The following TBC1D12 variants were observed in gnomAD, a reference collection of about 807,000 sequenced individuals.
TBC1D12 encodes the protein TBC1 domain family member 12.
TBC1D12 carries 56 observed loss-of-function variants against 86.7 expected under a neutral mutation model. That is an observed-to-expected ratio of 0.65 (90% CI 0.52 to 0.81). TBC1D12 has a LOEUF of 0.81. TBC1D12 is among the 30% of genes least tolerant of loss of function. TBC1D12 has a pLI of 0.00. For synonymous variants in TBC1D12, 421 were observed against 411.7 expected (o/e 1.02, Z -0.27); for missense variants, 1,023 against 1,038.8 (o/e 0.98, Z 0.21).
chr10:94,525,361 T>C (rs1253790048), intron 11 of TBC1D12, among the ~76,000 whole-genome samples: 3 of 152,052 alleles, frequency 2.0e-5, no homozygotes, highest in Non-Finnish European at 4.4e-5. Context: ...CCTGTAATCC[T>C]AGCACTTTGG....
intron 7 of TBC1D12, 30 bp from the exon 8 acceptor site, chr10:94,510,061 A>C (rs367903170): frequency 8.9e-5 from 139 of 1,553,242 alleles, no homozygotes; most frequent in Non-Finnish European, 2.6e-5. Context: ...CCAAGTGATC[A>C]TTTAAATTGT....
At chr10:94,524,913 A>G (rs115813817) in intron 11 of TBC1D12, among the ~76,000 whole-genome samples, 73 of 151,932 alleles carry the variant, frequency 4.8e-4, no homozygotes, top group African/African-American at 1.7e-3. Context: ...CCCACCTGGA[A>G]CTCCTGGGCT....
chr10:94,474,386 G>T (rs766301981), intron 2 of TBC1D12, among the ~76,000 whole-genome samples: 2 of 151,692 alleles, frequency 1.3e-5, no homozygotes, highest in Non-Finnish European at 2.9e-5. Flanking sequence ...TAGAGGTGAG[G>T]TGTTGACCCT....
intron 9 of TBC1D12, among the ~76,000 whole-genome samples, chr10:94,512,950 AAAAATGTCCCCAGG>A (rs1014183230): frequency 2.2e-4 from 34 of 152,272 alleles, no homozygotes; most frequent in Middle Eastern, 3.4e-3. Context: ...ATAGTTTTCT[AAAAATGTCCCCAGG>A]CATGCCGGGC....
At chr10:94,427,666 C>A (rs2055164700) in intron 1 of TBC1D12, among the ~76,000 whole-genome samples, 3 of 151,464 alleles carry the variant, frequency 2.0e-5, no homozygotes, top group Admixed American at 1.3e-4. Flanking sequence ...ACCCTGTCTC[C>A]AATAAAAATA....
chr10:94,496,556 G>GT (rs1182329071), intron 4 of TBC1D12, among the ~76,000 whole-genome samples: 2 of 152,020 alleles, frequency 1.3e-5, no homozygotes, highest in Admixed American at 6.6e-5. Context: ...GCCCACAGTT[G>GT]TTTGTTTTTT....
chr10:94,422,448 A>G (rs534896981), intron 1 of TBC1D12, among the ~76,000 whole-genome samples: 18 of 152,174 alleles, frequency 1.2e-4, no homozygotes, highest in African/African-American at 4.1e-4. Flanking sequence ...TCAGCCTCCT[A>G]AAGTGCTGGA....
intron 3 of TBC1D12, among the ~76,000 whole-genome samples, chr10:94,489,646 T>C (rs769480004): frequency 2.6e-5 from 4 of 152,224 alleles, no homozygotes; most frequent in Non-Finnish European, 4.4e-5. Flanking sequence ...TACTCATTTA[T>C]TTCTGGCTTT....
At chr10:94,455,341 G>C (rs1472379454) in intron 2 of TBC1D12, among the ~76,000 whole-genome samples, 2 of 152,072 alleles carry the variant, frequency 1.3e-5, no homozygotes, top group Non-Finnish European at 2.9e-5. Context: ...ATATTGGTCT[G>C]TACGTTTCTT....
At chr10:94,530,222 C>T (rs904815222) in intron 11 of TBC1D12, among the ~76,000 whole-genome samples, 5 of 152,202 alleles carry the variant, frequency 3.3e-5, no homozygotes, top group Non-Finnish European at 7.3e-5. Flanking sequence ...GTAATACTTA[C>T]TCTCCCCACT....
In TBC1D12 at chr10:94,534,011, A is replaced by T. The variant is rs896992092; in HGVS notation, c.*915A>T. Reference sequence around the variant, plus strand: ...CATATTTTTTAGTTACAATTCTTCCACTGTTTAACTCCAGTTTGAAATTTG... The same window carrying T: ...CATATTTTTTAGTTACAATTCTTCCTCTGTTTAACTCCAGTTTGAAATTTG... On this transcript the variant is annotated 3_prime_UTR_variant, in exon 13 of 13. Transcript: ENST00000225235. 2 of 152,188 alleles carry T rather than the reference A, an allele frequency of 1.3e-5. No homozygotes were observed. The highest frequency in any genetic ancestry group is 2.9e-5 in the Non-Finnish European group (2 of 68,028). The allele number at this position is 152,188 out of a possible 1,614,324, so 9.4% of individuals were successfully genotyped here. A position where few individuals can be genotyped will look rare whatever the true frequency, so the allele number is the denominator to read the frequency against.
At chr10:94,510,852 G>GAT (rs1228197694) in intron 8 of TBC1D12, among the ~76,000 whole-genome samples, 1 of 151,922 alleles carries the variant, frequency 6.6e-6, no homozygotes, top group Non-Finnish European at 1.5e-5. Context: ...TCTTTAGATT[G>GAT]ATAAAAATAA....
At chr10:94,448,715 G>C (rs2055507179) in intron 2 of TBC1D12, among the ~76,000 whole-genome samples, 1 of 152,094 alleles carries the variant, frequency 6.6e-6, no homozygotes, top group African/African-American at 2.4e-5. Flanking sequence ...CTGGGCTTAA[G>C]TTATCCTCCT....
chr10:94,522,287 ATTTC>A (rs1842172716), intron 10 of TBC1D12, 53 bp from the exon 11 acceptor site: 8 of 1,115,790 alleles, frequency 7.2e-6, no homozygotes, highest in South Asian at 5.4e-5. Flanking sequence ...TAAGCGTTTA[ATTTC>A]TTTATTTCTA....
intron 1 of TBC1D12, among the ~76,000 whole-genome samples, chr10:94,405,836 GT>G (rs1232753212): frequency 6.7e-6 from 1 of 150,136 alleles, no homozygotes; most frequent in Non-Finnish European, 1.5e-5. Context: ...TTGAGATGGA[GT>G]TTCCCTCTTT....
At chr10:94,527,082 T>TTG (rs60647037) in intron 11 of TBC1D12, among the ~76,000 whole-genome samples, 4,714 of 148,096 alleles carry the variant, frequency 0.032, 154 homozygotes, top group African/African-American at 0.077. Context: ...GCTGGATTGA[T>TTG]TGTGTGTGTG....
chr10:94,448,897 T>G (rs1268361475), intron 2 of TBC1D12, among the ~76,000 whole-genome samples: 1 of 152,226 alleles, frequency 6.6e-6, no homozygotes, highest in Non-Finnish European at 1.5e-5. Flanking sequence ...TGTGTGTTCT[T>G]TATTGATGGT....
At chr10:94,529,448 G>A (rs368118687) in intron 11 of TBC1D12, among the ~76,000 whole-genome samples, 1 of 152,084 alleles carries the variant, frequency 6.6e-6, no homozygotes, top group African/African-American at 2.4e-5. Flanking sequence ...GAGAAACGCC[G>A]TCTCTACTAA....
chr10:94,424,199 G>C (rs939562242), intron 1 of TBC1D12, among the ~76,000 whole-genome samples: 6 of 152,152 alleles, frequency 3.9e-5, no homozygotes, highest in African/African-American at 1.4e-4. Context: ...GATACCAAAG[G>C]ACAACTGTAT....
Sources: gnomAD v4.1 joint callset for allele counts (sites outside exome capture counted in the v4.1 genomes callset) on GRCh38, gnomAD v4.1.1 for gene constraint, MANE v1.5 for transcripts, NCBI Gene and HGNC (gene_info 2026-07-23, HGNC 2026-07-21) for gene names.